Variants in HPCAL1 observed in about 807,000 individuals in gnomAD.
The protein encoded by HPCAL1 is hippocalcin-like protein 1.
HPCAL1 carries 8 observed loss-of-function variants against 17.1 expected under a neutral mutation model. That is an observed-to-expected ratio of 0.47 (90% confidence interval 0.27 to 0.84). The LOEUF is 0.84. HPCAL1 is among the 40% of genes least tolerant of loss of function. The probability of loss-of-function intolerance (pLI) is 0.13; values close to 1 mark genes in which losing one functional copy is unlikely to be tolerated. For synonymous variants in HPCAL1, 112 were observed against 111.4 expected (o/e 1.01, Z -0.03); for missense variants, 165 against 271.1 (o/e 0.61, Z 2.75).
chr2:10,411,527 C>T (rs1323907513), intron 2 of HPCAL1, among the ~76,000 whole-genome samples: 2 of 152,184 alleles, frequency 1.3e-5, no homozygotes, highest in African/African-American at 4.8e-5. Context: ...TGCCGTTGTC[C>T]TAGGCAAGCC....
intron 2 of HPCAL1, among the ~76,000 whole-genome samples, chr2:10,403,454 TTG>T (rs70948890): frequency 0.079 from 5,077 of 64,668 alleles, 151 homozygotes; most frequent in Non-Finnish European, 0.092. Flanking sequence ...AAGAGTTCTT[TTG>T]TGTGTGTGTG....
In HPCAL1 at chr2:10,415,050, C is replaced by T. The variant is rs116789339; in HGVS notation, c.-24-4684C>T. Among the ~76,000 whole-genome samples, 533 of 152,322 alleles carry T rather than the reference C, an allele frequency of 3.5e-3. 7 individuals carry two copies. Among genetic ancestry groups the T allele is most frequent in the African/African-American group, 0.01 (434 of 41,578 alleles). On this transcript the variant is annotated intron_variant, in intron 2 of 4. Transcript: ENST00000307845. Reference sequence around the variant, plus strand: ...ATGGGAAAATGGGCCCTTTTGAAGCCTAGGAATGACCAAGTGGAGATGTGC... The same window carrying T: ...ATGGGAAAATGGGCCCTTTTGAAGCTTAGGAATGACCAAGTGGAGATGTGC...
chr2:10,370,237 G>A (rs905355190), intron 1 of HPCAL1, among the ~76,000 whole-genome samples: 2 of 152,248 alleles, frequency 1.3e-5, no homozygotes, highest in East Asian at 1.9e-4. Flanking sequence ...TCTTCCAATC[G>A]AATTCCCGTC....
intron 1 of HPCAL1, among the ~76,000 whole-genome samples, chr2:10,385,902 G>A (rs897084000): frequency 2.0e-5 from 3 of 152,094 alleles, no homozygotes; most frequent in African/African-American, 7.2e-5. Context: ...CGTGTCGGGG[G>A]GTGTCCGGAG....
chr2:10,379,366 C>T (rs1271869029), intron 1 of HPCAL1, among the ~76,000 whole-genome samples: 2 of 151,314 alleles, frequency 1.3e-5, no homozygotes, highest in African/African-American at 2.4e-5. Flanking sequence ...GTGTTTGTGA[C>T]ACCCCATGGG....
At chr2:10,313,402 C>T (rs1663106037) in intron 1 of HPCAL1, among the ~76,000 whole-genome samples, 1 of 152,200 alleles carries the variant, frequency 6.6e-6, no homozygotes, top group Non-Finnish European at 1.5e-5. Flanking sequence ...TGAACCACCC[C>T]CCAATTCCTT....
intron 1 of HPCAL1, among the ~76,000 whole-genome samples, chr2:10,332,553 C>A (rs574044094): frequency 7.2e-5 from 11 of 152,236 alleles, no homozygotes; most frequent in Admixed American, 3.9e-4. Context: ...TACTCCCTAG[C>A]TGGGCTGCAG....
intron 1 of HPCAL1, among the ~76,000 whole-genome samples, chr2:10,356,610 G>A (rs541351822): frequency 6.6e-6 from 1 of 152,262 alleles, no homozygotes; most frequent in South Asian, 2.1e-4. Context: ...TTGAACCCAG[G>A]TCTACCTGGC....
chr2:10,374,332 C>T (rs1427896052), intron 1 of HPCAL1, among the ~76,000 whole-genome samples: 2 of 150,280 alleles, frequency 1.3e-5, no homozygotes, highest in Non-Finnish European at 3.0e-5. Flanking sequence ...CACTGGTGGT[C>T]GCCTTCTCAC....
At chr2:10,392,392 G>T (rs1483058621) in intron 1 of HPCAL1, among the ~76,000 whole-genome samples, 2 of 152,276 alleles carry the variant, frequency 1.3e-5, no homozygotes, top group Middle Eastern at 3.4e-3. Context: ...AAGCTATTTG[G>T]CCAGGGCTTT....
chr2:10,403,451 CTT>C (rs200655960), intron 2 of HPCAL1, among the ~76,000 whole-genome samples: 691 of 40,258 alleles, frequency 0.017, 15 homozygotes, highest in African/African-American at 0.11. Context: ...ACAAAGAGTT[CTT>C]TTGTGTGTGT....
At chr2:10,413,802 G>A (rs3821200) in intron 2 of HPCAL1, among the ~76,000 whole-genome samples, 20,074 of 152,272 alleles carry the variant, frequency 0.13, 1,564 homozygotes, top group South Asian at 0.17. Flanking sequence ...TTCTCCCTTC[G>A]TTCTGAGAGG....
chr2:10,405,716 C>T (rs569837843), intron 2 of HPCAL1, among the ~76,000 whole-genome samples: 64 of 152,348 alleles, frequency 4.2e-4, no homozygotes, highest in Non-Finnish European at 2.4e-4. Flanking sequence ...AATCACCAGG[C>T]GTCATCAGCA....
At chr2:10,316,430 G>A (rs1297326090) in intron 1 of HPCAL1, among the ~76,000 whole-genome samples, 1 of 152,134 alleles carries the variant, frequency 6.6e-6, no homozygotes, top group East Asian at 1.9e-4. Context: ...TTTTCTCTCT[G>A]TGACTCAGGC....
chr2:10,354,977 A>G lies in HPCAL1; in HGVS notation c.-110-41858A>G, dbSNP rs1269544110. ...TGTGTTAGGTGCTGCAGAGATGAAGATGAGGAGGATGATGGCCTGTGCCCA... is the reference window on the plus strand; with the variant it reads ...TGTGTTAGGTGCTGCAGAGATGAAGGTGAGGAGGATGATGGCCTGTGCCCA... On this transcript the variant is annotated intron_variant, in intron 1 of 4. Transcript: ENST00000307845. This position sits in a 1 kb window ranked among gnomAD's most constrained non-coding sequence, Gnocchi z 5.1. Among the ~76,000 whole-genome samples the G allele has an allele frequency of 6.6e-6, 1 of 152,230 alleles. No homozygotes were observed. The highest frequency in any genetic ancestry group is 1.5e-5 in the Non-Finnish European group (1 of 68,050).
At chr2:10,374,776 T>A (rs1667444472) in intron 1 of HPCAL1, among the ~76,000 whole-genome samples, 1 of 152,236 alleles carries the variant, frequency 6.6e-6, no homozygotes, top group Non-Finnish European at 1.5e-5. Context: ...GATCACTGCC[T>A]TTCAGCCGTG....
At chr2:10,416,437 G>A (rs958629439) in intron 2 of HPCAL1, among the ~76,000 whole-genome samples, 10 of 152,160 alleles carry the variant, frequency 6.6e-5, no homozygotes, top group African/African-American at 9.7e-5. Flanking sequence ...GGTGAGACCC[G>A]AGAGCTGTCA....
At chr2:10,380,076 A>G (rs1353550641) in intron 1 of HPCAL1, among the ~76,000 whole-genome samples, 1 of 145,470 alleles carries the variant, frequency 6.9e-6, no homozygotes, top group Non-Finnish European at 1.5e-5. Context: ...CACAGATTTA[A>G]TTGCACGAGT....
At position 10,355,450 on chromosome 2, in the gene HPCAL1, CAAAAAAAAAAAAAAAAAAA is replaced by C. The variant is rs34600690; in HGVS notation, c.-110-41371_-110-41353del. On this transcript the variant is annotated intron_variant, in intron 1 of 4. Coordinates refer to ENST00000307845, the MANE Select transcript of HPCAL1 (RefSeq NM_002149.4). ...TGGGCGACAGAGCGAGACTCCGTCT[CAAAAAAAAAAAAAAAAAAA>C]AAAAAAAAAAAAAGAGTTTAACGGG... Among the ~76,000 whole-genome samples the C allele has an allele frequency of 8.4e-3, 272 of 32,244 alleles. 4 individuals are homozygous for C. The highest frequency in any genetic ancestry group is 0.056 in the Middle Eastern group (1 of 18). 21.2% of individuals were successfully genotyped at this position (32,244 alleles called of 152,430 possible). A position where few individuals can be genotyped will look rare whatever the true frequency, so the allele number is the denominator to read the frequency against.
Sources: gnomAD v4.1 joint callset for allele counts (sites outside exome capture counted in the v4.1 genomes callset) on GRCh38, gnomAD v4.1.1 for gene constraint, Gnocchi (gnomAD v3.1) non-coding constraint, MANE v1.5 for transcripts, NCBI Gene and HGNC (gene_info 2026-07-23, HGNC 2026-07-21) for gene names.